The following DPY19L3 variants were observed in gnomAD, a reference collection of about 807,000 sequenced individuals.
DPY19L3 encodes dpy-19 like C-mannosyltransferase 3.
A neutral mutation model predicts 92.3 loss-of-function variants in DPY19L3; 51 were observed. That is an observed-to-expected ratio of 0.55 (90% CI 0.44 to 0.70). The LOEUF is 0.70. DPY19L3 is among the 30% of genes least tolerant of loss of function. The probability of loss-of-function intolerance (pLI) is 0.00; values close to 1 mark genes in which losing one functional copy is unlikely to be tolerated. For missense variants in DPY19L3, 706 were observed against 855.9 expected (o/e 0.82, Z 2.18); for synonymous variants, 309 against 315.2 (o/e 0.98, Z 0.21).
chr19:32,481,903 T>TTTC (rs955202116), intron 18 of DPY19L3, 176 bp from the exon 19 acceptor site: 24 of 687,628 alleles, frequency 3.5e-5, no homozygotes, highest in African/African-American at 1.6e-4. Context: ...TGGTCTGCAC[T>TTTC]TCTGAAGGGG....
At chr19:32,461,867 C>G (rs980898177) in intron 12 of DPY19L3, among the ~76,000 whole-genome samples, 2 of 152,156 alleles carry the variant, frequency 1.3e-5, no homozygotes, top group Non-Finnish European at 2.9e-5. Context: ...GTCTTAACAT[C>G]ACTGAAGTGG....
At chr19:32,473,353 T>A (rs912073901) in intron 16 of DPY19L3, among the ~76,000 whole-genome samples, 1 of 152,230 alleles carries the variant, frequency 6.6e-6, no homozygotes, top group Non-Finnish European at 1.5e-5. Flanking sequence ...TAAAAATTGC[T>A]TTGTTTTTCT....
intron 12 of DPY19L3, among the ~76,000 whole-genome samples, chr19:32,458,946 C>T (rs997301723): frequency 6.6e-6 from 1 of 152,122 alleles, no homozygotes; most frequent in East Asian, 1.9e-4. Context: ...ACTCATAAGC[C>T]TCTGTTGTGT....
chr19:32,407,032 A>G (rs1253359170), intron 1 of DPY19L3, among the ~76,000 whole-genome samples: 2 of 148,658 alleles, frequency 1.3e-5, no homozygotes, highest in African/African-American at 5.0e-5. Context: ...ATGAATGAAT[A>G]CATGAATTGT....
intron 15 of DPY19L3, chr19:32,467,774 AG>A: frequency 1.0e-6 from 1 of 981,922 alleles, no homozygotes; most frequent in Non-Finnish European, 1.2e-6. Context: ...GATATGATCA[AG>A]TCTTTTTAGT....
At chr19:32,411,545 G>A (rs1968183182) in intron 3 of DPY19L3, 173 bp downstream of exon 3, 3 of 491,666 alleles carry the variant, frequency 6.1e-6, no homozygotes, top group Non-Finnish European at 1.0e-5. Flanking sequence ...TAACATATTA[G>A]AATCTTTTTT....
At chr19:32,478,059 A>G (rs1970565308) in intron 17 of DPY19L3, among the ~76,000 whole-genome samples, 1 of 152,216 alleles carries the variant, frequency 6.6e-6, no homozygotes, top group African/African-American at 2.4e-5. Flanking sequence ...ACCTCCCACC[A>G]GGTCCCTACC....
At chr19:32,440,180 C>T (rs1216300558) in intron 8 of DPY19L3, among the ~76,000 whole-genome samples, 1 of 152,160 alleles carries the variant, frequency 6.6e-6, no homozygotes. Context: ...ATAGAGATGA[C>T]TTAAATTTTA....
Position 32,432,769 on chromosome 19 carries a change from C to T in DPY19L3, c.291C>T (p.Tyr97=). 3 of 1,613,910 alleles carry T rather than the reference C, an allele frequency of 1.9e-6. No individual in the cohort carries two copies. The highest frequency in any genetic ancestry group is 2.5e-6 in the Non-Finnish European group (3 of 1,179,922). ...CAGAGTGTGGCCTGTATTACTCCTA[C>T]TACAAGCAGATGCTGCAGGCTCCAA... ...FRTECGLYYS[Y]YKQMLQAPTL... is the part of the protein sequence containing the mutation. The change falls in exon 4 of 19, where the codon TAC becomes TAT. Residue 97 remains tyrosine (Y), a synonymous_variant. Coordinates refer to ENST00000392250, the MANE Select transcript of DPY19L3 (RefSeq NM_001172774.2).
chr19:32,459,256 A>T (rs1053425122), intron 12 of DPY19L3, among the ~76,000 whole-genome samples: 21 of 152,338 alleles, frequency 1.4e-4, no homozygotes, highest in Admixed American at 1.2e-3. Context: ...GGGGGTTTGC[A>T]TTGACTCTTC....
In DPY19L3 at chr19:32,467,858, G is replaced by A. The variant is rs567257298; in HGVS notation, c.1615-873G>A. 182 of 983,454 alleles carry A rather than the reference G, an allele frequency of 1.9e-4. 3 individuals are homozygous for A. The South Asian group carries it at 7.2e-3, about 39-fold the overall frequency. The allele number at this position is 983,454 out of a possible 1,614,324, so 60.9% of individuals were successfully genotyped here. On this transcript the variant is annotated intron_variant, in intron 15 of 18. Coordinates refer to ENST00000392250, the MANE Select transcript of DPY19L3 (RefSeq NM_001172774.2). Reference sequence around the variant, plus strand: ...TAAATGGACTTAAGATATTAGATAAGTGGGTAATTCAGAGAGTAATTTTTA... The same window carrying A: ...TAAATGGACTTAAGATATTAGATAAATGGGTAATTCAGAGAGTAATTTTTA...
chr19:32,442,573 C>A (rs1374517638), intron 8 of DPY19L3, among the ~76,000 whole-genome samples: 2 of 152,008 alleles, frequency 1.3e-5, no homozygotes, highest in Admixed American at 1.3e-4. Context: ...ACCTTGCGAC[C>A]AGAGGGAAAA....
In DPY19L3 at chr19:32,480,470, CG is replaced by C; in HGVS notation, c.1903del (p.Val635Ter). The C allele has an allele frequency of 6.2e-7, 1 of 1,614,202 alleles. No individual in the cohort carries two copies. The highest frequency in any genetic ancestry group is 8.5e-7 in the Non-Finnish European group (1 of 1,180,024). On this transcript the variant is annotated frameshift_variant, in exon 18 of 19. Transcript: ENST00000392250. LOFTEE classifies it high-confidence loss of function. Reference protein sequence around the residue: ...ALLRSFGTDYVILEDSICYER... With the variant: ...ALLRSFGTDYXILEDSICYER... ...TCCTAAGGTCCTTCGGCACTGACTA[CG>C]TAATCCTGGAAGACAGCATCTGCTA...
At chr19:32,447,821 TAGATAGATAGATAGATAGA>T (rs1568344112) in intron 8 of DPY19L3, among the ~76,000 whole-genome samples, 16 of 101,664 alleles carry the variant, frequency 1.6e-4, no homozygotes, top group African/African-American at 3.7e-4. Flanking sequence ...ATAGATTAGA[TAGATAGATAGATAGATAGA>T]TAGATAGATA....
intron 18 of DPY19L3, chr19:32,480,777 C>T (rs1166240499): frequency 1.7e-6 from 1 of 605,558 alleles, no homozygotes; most frequent in South Asian, 2.1e-5. Context: ...AGCCCTGGGT[C>T]CCCAGTGTCA....
At chr19:32,408,001 C>G (rs1051797584) in intron 1 of DPY19L3, among the ~76,000 whole-genome samples, 2 of 151,972 alleles carry the variant, frequency 1.3e-5, no homozygotes, top group African/African-American at 2.4e-5. Flanking sequence ...GGTGGATCAC[C>G]TGAGCCTGTG....
intron 16 of DPY19L3, chr19:32,469,091 A>G (rs1284041227): frequency 4.8e-6 from 1 of 209,716 alleles, no homozygotes; most frequent in Admixed American, 5.7e-5. Context: ...AGAAATGGCA[A>G]TAAAAGTTTA....
intron 3 of DPY19L3, among the ~76,000 whole-genome samples, chr19:32,426,303 T>C (rs2076646075): frequency 6.6e-6 from 1 of 152,244 alleles, no homozygotes; most frequent in African/African-American, 2.4e-5. Context: ...CATCAGAGCA[T>C]TAGACTTTCC....
intron 8 of DPY19L3, among the ~76,000 whole-genome samples, chr19:32,442,819 A>G (rs1969366009): frequency 6.6e-6 from 1 of 152,204 alleles, no homozygotes; most frequent in Admixed American, 6.5e-5. Context: ...CCATCAGTAA[A>G]GTTCAGTGGG....
Sources: gnomAD v4.1 joint callset for allele counts (sites outside exome capture counted in the v4.1 genomes callset) on GRCh38, gnomAD v4.1.1 for gene constraint, MANE v1.5 for transcripts, NCBI Gene and HGNC (gene_info 2026-07-23, HGNC 2026-07-21) for gene names.